Variants in LRRC40 observed in about 807,000 individuals in gnomAD.
The protein encoded by LRRC40 is leucine rich repeat containing 40.
In LRRC40, 76 loss-of-function variants were observed where a neutral mutation model predicts 72.8. That is an observed-to-expected ratio of 1.04 (90% confidence interval 0.87 to 1.26). The LOEUF (loss-of-function observed/expected upper bound fraction) is 1.26. Among genes scored for constraint, LRRC40 ranks in the 50% most tolerant of loss-of-function variants. The probability of loss-of-function intolerance (pLI) is 0.00; values close to 1 mark genes in which losing one functional copy is unlikely to be tolerated. For missense variants in LRRC40, 684 were observed against 698.9 expected, an observed-to-expected ratio of 0.98 and a Z score of 0.24; for synonymous variants, 243 against 254.2, an observed-to-expected ratio of 0.96 and a Z score of 0.42.
intron 7 of LRRC40, among the ~76,000 whole-genome samples, chr1:70,174,577 C>G (rs753882721): frequency 3.3e-5 from 5 of 152,202 alleles, no homozygotes; most frequent in South Asian, 2.1e-4. Flanking sequence ...GTATATCTAT[C>G]TCTGTACAAC....
intron 14 of LRRC40, among the ~76,000 whole-genome samples, chr1:70,147,710 C>T (rs1476470274): frequency 6.6e-6 from 1 of 152,136 alleles, no homozygotes; most frequent in Non-Finnish European, 1.5e-5. Context: ...ACATGAGGTA[C>T]TAGAGCAGAT....
intron 1 of LRRC40, among the ~76,000 whole-genome samples, chr1:70,204,550 T>C (rs1169420932): frequency 6.6e-6 from 1 of 152,182 alleles, no homozygotes; most frequent in African/African-American, 2.4e-5. Context: ...TTCTGTGTCT[T>C]TTCATTCATT....
intron 1 of LRRC40, among the ~76,000 whole-genome samples, chr1:70,190,776 A>G (rs1668483434): frequency 6.6e-6 from 1 of 151,198 alleles, no homozygotes; most frequent in African/African-American, 2.4e-5. Context: ...CTTACTCCTT[A>G]TGTCTGATTA....
At chr1:70,186,157 T>A (rs923965666) in intron 3 of LRRC40, among the ~76,000 whole-genome samples, 6 of 152,218 alleles carry the variant, frequency 3.9e-5, no homozygotes, top group African/African-American at 1.4e-4. Context: ...GAGATAATTT[T>A]AGCTATAGAT....
At chr1:70,196,313 A>C (rs1668608488) in intron 1 of LRRC40, among the ~76,000 whole-genome samples, 1 of 152,104 alleles carries the variant, frequency 6.6e-6, no homozygotes, top group Non-Finnish European at 1.5e-5. Flanking sequence ...ACTTTGGGAG[A>C]CCATAGCAGG....
chr1:70,167,245 A>G (rs1432670001), intron 9 of LRRC40, among the ~76,000 whole-genome samples: 3 of 151,162 alleles, frequency 2.0e-5, no homozygotes, highest in Non-Finnish European at 4.4e-5. Flanking sequence ...AAAAAAAAAA[A>G]AAGAAAAAAG....
chr1:70,163,079 C>CTT (rs377411157), intron 9 of LRRC40, among the ~76,000 whole-genome samples: 84 of 140,514 alleles, frequency 6.0e-4, no homozygotes, highest in African/African-American at 1.4e-3. Flanking sequence ...CTTTCCTTTT[C>CTT]TTTTTTTTTT....
intron 5 of LRRC40, among the ~76,000 whole-genome samples, chr1:70,179,759 T>C (rs1668201196): frequency 6.6e-6 from 1 of 152,176 alleles, no homozygotes; most frequent in South Asian, 2.1e-4. Flanking sequence ...TCTAGATATA[T>C]TTTACATTTA....
Position 70,178,903 on chromosome 1 carries a change from C to T in LRRC40, c.752G>A (p.Arg251Gln), listed in dbSNP as rs186699110. The T allele has an allele frequency of 2.3e-5, 36 of 1,597,124 alleles. No homozygotes were observed. The highest frequency in any genetic ancestry group is 2.2e-4 in the Admixed American group (13 of 59,450). Reference protein sequence around the residue: ...GMESLELLYLRRNKLRFLPEF... With the variant: ...GMESLELLYLQRNKLRFLPEF... ...TGGTAGAAAACGTAATTTATTCCTC[C>T]GCAAATAAAGCAATTCTAGTGATTC... is the stretch of plus-strand genomic sequence containing the variant. Residue 251 changes from arginine to glutamine, a missense_variant, in exon 6 of 15, where the codon CGG (arginine) becomes CAG (glutamine). Transcript: ENST00000370952.
chr1:70,201,408 C>A (rs11806063), intron 1 of LRRC40, among the ~76,000 whole-genome samples: 78 of 152,210 alleles, frequency 5.1e-4, no homozygotes, highest in African/African-American at 1.8e-3. Context: ...TTTATCTAGA[C>A]TTCATATGAC....
At chr1:70,184,949 G>A in intron 3 of LRRC40, 35 bp from the exon 4 acceptor site, 1 of 1,507,126 alleles carries the variant, frequency 6.6e-7, no homozygotes, top group Non-Finnish European at 9.1e-7. Flanking sequence ...GAATAATTTA[G>A]TGGCAATACA....
chr1:70,164,033 T>C (rs1167652931), intron 9 of LRRC40, among the ~76,000 whole-genome samples: 3 of 152,202 alleles, frequency 2.0e-5, no homozygotes, highest in African/African-American at 4.8e-5. Context: ...TGTCCTCATA[T>C]GGCATAAGGC....
Position 70,157,872 on chromosome 1 carries a change from G to C in LRRC40, c.1220+1458C>G, listed in dbSNP as rs1571443322. Among the ~76,000 whole-genome samples the C allele has an allele frequency of 9.9e-5, 15 of 152,006 alleles. 1 individual carries two copies. The South Asian group carries it at 3.1e-3, about 32-fold the overall frequency. On this transcript the variant is annotated intron_variant, in intron 10 of 14. Coordinates refer to ENST00000370952, the MANE Select transcript of LRRC40 (RefSeq NM_017768.5). Reference sequence around the variant, plus strand: ...TAATCCCAGCACTTTGAGAAGCTGAGGCAGGAGGATCACTTGAGCTCAAGA... The same window carrying C: ...TAATCCCAGCACTTTGAGAAGCTGACGCAGGAGGATCACTTGAGCTCAAGA...
chr1:70,159,396 A>G lies in LRRC40; in HGVS notation c.1154T>C (p.Met385Thr). 6.3e-7 allele frequency: 1 copy of G among 1,599,644 alleles called. No individual in the cohort carries two copies. The highest frequency in any genetic ancestry group is 1.1e-5 in the South Asian group (1 of 88,696). The change falls in exon 10 of 15, where the codon ATG becomes ACG. Residue 385 changes from methionine (M) to threonine (T), a missense_variant. By Grantham distance (81) the Met-to-Thr change is moderately conservative (BLOSUM62 -1). Coordinates refer to ENST00000370952, the MANE Select transcript of LRRC40 (RefSeq NM_017768.5). The part of the protein sequence containing the change: ...SQSESATETA[M>T]TLPSESRVNI... ...GACTCTGGATTCACTTGGTAGTGTC[A>G]TGGCAGTCTCAGTAGCAGACTCACT...
chr1:70,181,248 T>C, intron 4 of LRRC40, 39 bp from the exon 5 acceptor site: 1 of 1,263,894 alleles, frequency 7.9e-7, no homozygotes, highest in Non-Finnish European at 1.1e-6. Flanking sequence ...AATAAACAAG[T>C]AAAAAAATAA....
intron 1 of LRRC40, among the ~76,000 whole-genome samples, chr1:70,200,430 T>C (rs1668710522): frequency 6.6e-6 from 1 of 151,804 alleles, no homozygotes. Flanking sequence ...CACTGTACTC[T>C]AGCCCGGTCA....
Position 70,171,070 on chromosome 1 carries a change from A to AT in LRRC40, c.1111+2394dup, listed in dbSNP as rs989560217. 1.2e-3 allele frequency among the ~76,000 whole-genome samples: 187 copies of AT among 152,294 alleles called. 2 individuals carry two copies. The highest frequency in any genetic ancestry group is 3.1e-4 in the Non-Finnish European group (21 of 68,004). On this transcript the variant is annotated intron_variant, in intron 9 of 14. Transcript: ENST00000370952. ...AAACCAATACATTTATAGTCAGTTGATTTTTTACAAGAATGCCAAGACCAT... is the reference window on the plus strand; with the variant it reads ...AAACCAATACATTTATAGTCAGTTGATTTTTTTACAAGAATGCCAAGACCAT...
At chr1:70,146,206 G>T (rs1667287218) in intron 14 of LRRC40, among the ~76,000 whole-genome samples, 1 of 151,842 alleles carries the variant, frequency 6.6e-6, no homozygotes, top group African/African-American at 2.4e-5. Context: ...TGTATTTTCA[G>T]TAGTGAGGGG....
intron 1 of LRRC40, among the ~76,000 whole-genome samples, chr1:70,194,374 G>A (rs963681201): frequency 1.3e-5 from 2 of 152,010 alleles, no homozygotes; most frequent in African/African-American, 2.4e-5. Flanking sequence ...AGTATTAAAT[G>A]TACAAAATAT....
Sources: gnomAD v4.1 joint callset for allele counts (sites outside exome capture counted in the v4.1 genomes callset) on GRCh38, gnomAD v4.1.1 for gene constraint, MANE v1.5 for transcripts, NCBI Gene and HGNC (gene_info 2026-07-23, HGNC 2026-07-21) for gene names.